GNAL: variants seen among roughly 807,000 people sequenced by gnomAD.
GNAL encodes the protein G protein subunit alpha L.
Under a neutral mutation model 55.1 loss-of-function variants are expected in GNAL, and 18 were observed. The ratio of observed to expected loss-of-function variants is 0.33; its 90% CI spans 0.23 to 0.48. The LOEUF (loss-of-function observed/expected upper bound fraction) is 0.48, where lower values mean the gene tolerates loss of function less well. Among genes scored for constraint, GNAL ranks in the 20% least tolerant of loss-of-function variants. The pLI is 0.99. For missense variants in GNAL, 412 were observed against 614.1 expected (o/e 0.67, Z 3.48); for synonymous variants, 253 against 237.0 (o/e 1.07, Z -0.62).
chr18:11,690,180 A>G (rs78144261), intron 1 of GNAL, among the ~76,000 whole-genome samples: 1 of 152,084 alleles, frequency 6.6e-6, no homozygotes, highest in Non-Finnish European at 1.5e-5. Context: ...TGCCCCTCCC[A>G]GTGCCTTGAG....
chr18:11,807,534 C>T (rs112961898), intron 4 of GNAL, among the ~76,000 whole-genome samples: 99 of 152,326 alleles, frequency 6.5e-4, no homozygotes, highest in African/African-American at 2.3e-3. Context: ...GGGGGGAAAC[C>T]GCAGGTGGAG....
rs768748326 is a variant in GNAL at position 11,867,133 on chromosome 18, C to A, written c.852-35C>A. 5.8e-6 allele frequency: 9 copies of A among 1,550,574 alleles called. No homozygotes were observed. In the African/African-American group the frequency reaches 1.2e-4, roughly 21 times the overall value. On this transcript the variant is annotated intron_variant, in intron 7 of 11. Transcript: ENST00000334049. ...CACGTTTGCCATTGTCCCCTGCTTC[C>A]CCCAAATAATTGTGTTCCTCTTGCT... is the stretch of plus-strand genomic sequence containing the variant.
intron 1 of GNAL, among the ~76,000 whole-genome samples, chr18:11,737,440 GTC>G (rs2032484028): frequency 6.6e-6 from 1 of 152,084 alleles, no homozygotes; most frequent in South Asian, 2.1e-4. Flanking sequence ...GGTCTTCCAA[GTC>G]TCTCTGAATG....
rs527259666 is a variant in GNAL, at chr18:11,743,458, A to G, written c.377-9395A>G. Among the ~76,000 whole-genome samples, 11 of 152,328 alleles carry G rather than the reference A, an allele frequency of 7.2e-5. No individual in the cohort carries two copies. The South Asian group carries it at 2.3e-3, about 32-fold the overall frequency. ...TGTTTGTGAATATAATCATTTGAAG[A>G]GTAGAAAAGTCAGGGTATCTAGAAC... is the stretch of plus-strand genomic sequence containing the variant. On this transcript the variant is annotated intron_variant, in intron 1 of 11. Transcript: ENST00000334049.
At chr18:11,726,516 C>T (rs2032214202) in intron 1 of GNAL, among the ~76,000 whole-genome samples, 1 of 152,086 alleles carries the variant, frequency 6.6e-6, no homozygotes, top group Admixed American at 6.5e-5. Context: ...TCTCTGAGCT[C>T]CCAGGCCTCT....
chr18:11,752,956 A>G lies in GNAL; in HGVS notation c.449+31A>G, dbSNP rs767045048. On this transcript the variant is annotated intron_variant, in intron 2 of 11. Coordinates refer to ENST00000334049, the MANE Select transcript of GNAL (RefSeq NM_182978.4). The surrounding 1 kb of genome is among the most constrained non-coding windows in gnomAD (Gnocchi z 4.5). ...AATGTTCAGTTTGCTTCCAAACTGC[A>G]TGCAAACTTCGTCTCTCTCCCAGAC... 3.7e-6 allele frequency: 5 copies of G among 1,339,366 alleles called. No individual in the cohort carries two copies. Among genetic ancestry groups the G allele is most frequent in the Non-Finnish European group, 3.2e-6 (3 of 932,634 alleles). The allele number at this position is 1,339,366 out of a possible 1,614,324, so 83.0% of individuals were successfully genotyped here.
In GNAL at chr18:11,871,900, T is replaced by C. The variant is rs2071137; in HGVS notation, c.1032-368T>C. 1.4e-3 allele frequency among the ~76,000 whole-genome samples: 209 copies of C among 152,332 alleles called. 3 individuals are homozygous for C. The East Asian group carries it at 0.033, about 24-fold the overall frequency. On this transcript the variant is annotated intron_variant, in intron 9 of 11. Transcript: ENST00000334049. ...TGCTTGGGACCAAAAGTGTTTAAGATTTCTTGTTGTTGTTGTTTTTTGGAA... is the reference window on the plus strand; with the variant it reads ...TGCTTGGGACCAAAAGTGTTTAAGACTTCTTGTTGTTGTTGTTTTTTGGAA...
rs971560071 is a variant in GNAL, at chr18:11,690,072, A to C, written c.376+133A>C. ...AGGGGCTCCTGAATCCCGGGACTGGACCCGGACGGGCGGCGGGCGCGGACG... is the reference window on the plus strand; with the variant it reads ...AGGGGCTCCTGAATCCCGGGACTGGCCCCGGACGGGCGGCGGGCGCGGACG... On this transcript the variant is annotated intron_variant, in intron 1 of 11. Transcript: ENST00000334049. 1.5e-3 allele frequency: 632 copies of C among 434,688 alleles called. 5 individuals carry two copies. Among genetic ancestry groups the C allele is most frequent in the South Asian group, 3.6e-3 (34 of 9,546 alleles). The allele number at this position is 434,688 out of a possible 1,614,324, so 26.9% of individuals were successfully genotyped here.
intron 10 of GNAL, 47 bp downstream of exon 10, chr18:11,872,445 T>C: frequency 8.2e-7 from 1 of 1,215,678 alleles, no homozygotes. Context: ...AGAATTGTTT[T>C]ATTAATAGTC....
chr18:11,708,003 G>C (rs567218776), intron 1 of GNAL, among the ~76,000 whole-genome samples: 4 of 152,146 alleles, frequency 2.6e-5, no homozygotes, highest in Non-Finnish European at 5.9e-5. Context: ...GGAATGCTGT[G>C]GCTGTTTTAA....
intron 9 of GNAL, among the ~76,000 whole-genome samples, chr18:11,869,097 T>A (rs898747811): frequency 6.6e-6 from 1 of 152,188 alleles, no homozygotes; most frequent in South Asian, 2.1e-4. Flanking sequence ...TCTCTTTTAG[T>A]TCATCTATTG....
At chr18:11,863,382 C>T (rs1047532964) in intron 6 of GNAL, among the ~76,000 whole-genome samples, 1 of 152,080 alleles carries the variant, frequency 6.6e-6, no homozygotes, top group Admixed American at 6.5e-5. Context: ...GTATTCCCTG[C>T]AAGGCCTTGG....
At chr18:11,878,357 G>A (rs1296720556) in intron 11 of GNAL, among the ~76,000 whole-genome samples, 1 of 152,148 alleles carries the variant, frequency 6.6e-6, no homozygotes, top group Non-Finnish European at 1.5e-5. Flanking sequence ...AGGCTGAGGT[G>A]GGAGGATCCC....
chr18:11,830,067 C>T (rs1230603027), intron 5 of GNAL, among the ~76,000 whole-genome samples: 1 of 151,972 alleles, frequency 6.6e-6, no homozygotes, highest in Non-Finnish European at 1.5e-5. Flanking sequence ...TGTGAACTGA[C>T]CAAAAAAGAG....
chr18:11,852,621 T>G (rs2035905486), intron 5 of GNAL: 1 of 167,742 alleles, frequency 6.0e-6, no homozygotes, highest in African/African-American at 2.4e-5. Flanking sequence ...TTGTTTTTTT[T>G]TTTTTTGCCT....
At chr18:11,711,049 G>A (rs1349155916) in intron 1 of GNAL, among the ~76,000 whole-genome samples, 1 of 151,998 alleles carries the variant, frequency 6.6e-6, no homozygotes, top group East Asian at 1.9e-4. Flanking sequence ...CTAATTTTTT[G>A]TATTTTTAGT....
At chr18:11,841,308 C>T (rs1033210469) in intron 5 of GNAL, among the ~76,000 whole-genome samples, 1 of 152,004 alleles carries the variant, frequency 6.6e-6, no homozygotes, top group African/African-American at 2.4e-5. Context: ...ATATTTAGGG[C>T]AAGGTTAATC....
intron 5 of GNAL, among the ~76,000 whole-genome samples, chr18:11,846,229 A>G (rs889251813): frequency 6.6e-6 from 1 of 152,076 alleles, no homozygotes; most frequent in Non-Finnish European, 1.5e-5. Flanking sequence ...GTGAATGCCA[A>G]CTTCGACTAA....
At chr18:11,743,806 T>A (rs1014227101) in intron 1 of GNAL, among the ~76,000 whole-genome samples, 1 of 152,184 alleles carries the variant, frequency 6.6e-6, no homozygotes, top group Non-Finnish European at 1.5e-5. Flanking sequence ...ATTGGGCACT[T>A]TATTTGATTT....
Sources: gnomAD v4.1 joint callset for allele counts (sites outside exome capture counted in the v4.1 genomes callset) on GRCh38, gnomAD v4.1.1 for gene constraint, Gnocchi (gnomAD v3.1) non-coding constraint, MANE v1.5 for transcripts, NCBI Gene and HGNC (gene_info 2026-07-23, HGNC 2026-07-21) for gene names.